The following USP24 variants were observed in gnomAD, a reference collection of about 807,000 sequenced individuals.
The protein encoded by USP24 is ubiquitin specific peptidase 24.
A neutral mutation model predicts 361.6 loss-of-function variants in USP24; 97 were observed. The observed-to-expected ratio is 0.27, with a 90% confidence interval of 0.23 to 0.32. The LOEUF (loss-of-function observed/expected upper bound fraction) is 0.32. USP24 is among the 10% of genes least tolerant of loss of function. The probability of loss-of-function intolerance (pLI) is 1.00; values close to 1 mark genes in which losing one functional copy is unlikely to be tolerated. For synonymous variants in USP24, 1,098 were observed against 1,124.6 expected (o/e 0.98, Z 0.47); for missense variants, 2,353 against 3,165.6 (o/e 0.74, Z 6.16).
chr1:55,115,348 T>G (rs1646077268), intron 38 of USP24, among the ~76,000 whole-genome samples: 2 of 151,072 alleles, frequency 1.3e-5, no homozygotes, highest in Admixed American at 1.3e-4. Context: ...TACAAAAAAT[T>G]AGCCGGGCGT....
At chr1:55,190,800 T>C (rs1644266070) in intron 1 of USP24, among the ~76,000 whole-genome samples, 1 of 152,160 alleles carries the variant, frequency 6.6e-6, no homozygotes, top group African/African-American at 2.4e-5. Context: ...TGTCCAGGTA[T>C]ATGTGCAGTG....
chr1:55,199,720 T>C (rs1644519136), intron 1 of USP24, among the ~76,000 whole-genome samples: 1 of 152,126 alleles, frequency 6.6e-6, no homozygotes, highest in South Asian at 2.1e-4. Flanking sequence ...GTGTTCACTG[T>C]ATTGTTCTTT....
chr1:55,191,334 C>A (rs1276626699), intron 1 of USP24, among the ~76,000 whole-genome samples: 1 of 151,976 alleles, frequency 6.6e-6, no homozygotes, highest in African/African-American at 2.4e-5. Context: ...CCCACAAATA[C>A]AAATGAAAAT....
chr1:55,125,325 T>C lies in USP24; in HGVS notation c.3955A>G (p.Ile1319Val), dbSNP rs763552493. The change falls in exon 34 of 68, where the codon ATA becomes GTA. Residue 1319 changes from isoleucine to valine, a missense_variant. Around this residue, in one of 8 missense-constraint regions of USP24, gnomAD observed 949 missense variants for 1,280.5 expected, o/e 0.74. Transcript: ENST00000294383. ...EEIIPAARVA[I>V]QTMEVSDFTS... ...TGAATACACAAATCACTTACTTGTA[T>C]TGCAACTCGAGCAGCAGGGATGATT... The C allele has an allele frequency of 6.2e-7, 1 of 1,613,482 alleles. No individual in the cohort carries two copies. Among genetic ancestry groups the C allele is most frequent in the Admixed American group, 1.7e-5 (1 of 60,010 alleles).
At chr1:55,172,325 G>A in intron 4 of USP24, 52 bp downstream of exon 4, 1 of 1,466,946 alleles carries the variant, frequency 6.8e-7, no homozygotes, top group South Asian at 1.5e-5. Flanking sequence ...AGAACAGCAA[G>A]TATTTTAAAC....
intron 5 of USP24, among the ~76,000 whole-genome samples, chr1:55,169,918 C>T (rs879790581): frequency 1.3e-5 from 2 of 151,982 alleles, no homozygotes; most frequent in South Asian, 2.1e-4. Context: ...AAGAGGGGAG[C>T]GAGCACATGC....
At chr1:55,174,072 A>G (rs1458061633) in intron 3 of USP24, among the ~76,000 whole-genome samples, 1 of 152,264 alleles carries the variant, frequency 6.6e-6, no homozygotes, top group East Asian at 1.9e-4. Flanking sequence ...AACCTGAATT[A>G]TCTTCTCTGC....
intron 28 of USP24, among the ~76,000 whole-genome samples, chr1:55,135,194 A>C (rs1215360694): frequency 6.6e-6 from 1 of 152,152 alleles, no homozygotes. Context: ...TATGTTGGCC[A>C]GGTTGGTCTT....
chr1:55,125,322 G>T lies in USP24; in HGVS notation c.3958C>A (p.Gln1320Lys), dbSNP rs1224038460. The T allele has an allele frequency of 6.2e-7, 1 of 1,613,114 alleles. No homozygotes were observed. The highest frequency in any genetic ancestry group is 1.3e-5 in the African/African-American group (1 of 74,886). The change falls in exon 34 of 68, where the codon CAA (glutamine) becomes AAA (lysine). Residue 1320 changes from glutamine (Q) to lysine (K), a missense_variant and splice_region_variant. Transcript: ENST00000294383. ...TCTTGAATACACAAATCACTTACTT[G>T]TATTGCAACTCGAGCAGCAGGGATG... ...EIIPAARVAI[Q>K]TMEVSDFTST...
intron 51 of USP24, among the ~76,000 whole-genome samples, chr1:55,094,568 T>G (rs1365333735): frequency 6.6e-6 from 1 of 152,062 alleles, no homozygotes; most frequent in Non-Finnish European, 1.5e-5. Flanking sequence ...GTAAACACTT[T>G]CCTGACCCAA....
At chr1:55,146,395 T>C (rs980382592) in intron 19 of USP24, among the ~76,000 whole-genome samples, 27 of 152,202 alleles carry the variant, frequency 1.8e-4, no homozygotes, top group African/African-American at 6.3e-4. Context: ...CTGGGCACTA[T>C]CACAATAGTG....
chr1:55,127,172 T>C (rs1002840995), intron 32 of USP24, among the ~76,000 whole-genome samples: 19 of 152,134 alleles, frequency 1.2e-4, no homozygotes, highest in African/African-American at 4.6e-4. Flanking sequence ...ACCCATTAAC[T>C]CATCATTTAG....
chr1:55,149,751 C>T (rs1647140631), intron 16 of USP24, among the ~76,000 whole-genome samples: 1 of 152,170 alleles, frequency 6.6e-6, no homozygotes, highest in Non-Finnish European at 1.5e-5. Flanking sequence ...TAGCTGTACA[C>T]AAAAGGTATT....
intron 20 of USP24, among the ~76,000 whole-genome samples, chr1:55,145,353 C>T (rs1647000513): frequency 6.6e-6 from 1 of 152,280 alleles, no homozygotes; most frequent in South Asian, 2.1e-4. Context: ...CTGATACATG[C>T]TACAACCTGG....
chr1:55,188,277 C>T (rs556940024), intron 1 of USP24, among the ~76,000 whole-genome samples: 1 of 151,982 alleles, frequency 6.6e-6, no homozygotes, highest in East Asian at 1.9e-4. Flanking sequence ...CAATGTAACG[C>T]AAGACTAAAT....
chr1:55,089,505 T>C (rs983944453), intron 55 of USP24, 122 bp downstream of exon 55: 2 of 699,626 alleles, frequency 2.9e-6, no homozygotes, highest in African/African-American at 3.6e-5. Context: ...GAAGAGAGTT[T>C]AAAATAGACT....
chr1:55,088,875 A>C (rs1645310611), intron 55 of USP24, among the ~76,000 whole-genome samples: 1 of 152,134 alleles, frequency 6.6e-6, no homozygotes, highest in Non-Finnish European at 1.5e-5. Flanking sequence ...TTTAAATTTC[A>C]GGTACCTAGG....
chr1:55,198,003 T>C (rs576480437), intron 1 of USP24, among the ~76,000 whole-genome samples: 3 of 152,334 alleles, frequency 2.0e-5, no homozygotes, highest in Non-Finnish European at 4.4e-5. Context: ...TGTTGTTTCT[T>C]AACTCAAACC....
At chr1:55,153,982 C>T (rs1339774667) in intron 15 of USP24, 65 bp from the exon 16 acceptor site, 1 of 1,545,674 alleles carries the variant, frequency 6.5e-7, no homozygotes, top group Non-Finnish European at 8.8e-7. Flanking sequence ...ATTTCCCGAT[C>T]TTGGACTTTA....
Sources: gnomAD v4.1 joint callset for allele counts (sites outside exome capture counted in the v4.1 genomes callset) on GRCh38, gnomAD v4.1.1 for gene constraint, gnomAD v4.1.1 regional missense constraint, MANE v1.5 for transcripts, NCBI Gene and HGNC (gene_info 2026-07-23, HGNC 2026-07-21) for gene names.